The following NBEA variants were observed in gnomAD, a reference collection of about 807,000 sequenced individuals.
NBEA encodes lysosomal-trafficking regulator 2.
NBEA carries 44 observed loss-of-function variants against 343.4 expected under a neutral mutation model. The ratio of observed to expected loss-of-function variants is 0.13; its 90% CI spans 0.10 to 0.16. The LOEUF (loss-of-function observed/expected upper bound fraction) is 0.16, where lower values mean the gene tolerates loss of function less well. Ranked by LOEUF, NBEA falls within the 10% of genes least tolerant of loss-of-function variation. NBEA has a pLI of 1.00. For missense variants in NBEA, 2,555 were observed against 3,631.3 expected (o/e 0.70, Z 7.62); for synonymous variants, 1,175 against 1,238.7 (o/e 0.95, Z 1.08).
intron 48 of NBEA, among the ~76,000 whole-genome samples, chr13:35,617,635 G>T (rs2082794074): frequency 6.6e-6 from 1 of 152,164 alleles, no homozygotes; most frequent in African/African-American, 2.4e-5. Context: ...GTGAAATGTG[G>T]CTGCATGATT....
chr13:35,110,648 A>G (rs2066156915), intron 12 of NBEA, among the ~76,000 whole-genome samples, 162 bp from the exon 13 acceptor site: 1 of 152,042 alleles, frequency 6.6e-6, no homozygotes, highest in Admixed American at 6.6e-5. Flanking sequence ...ATATTTTTTA[A>G]ATATAAATAA....
intron 56 of NBEA, 70 bp downstream of exon 56, chr13:35,665,256 A>G: frequency 7.8e-7 from 1 of 1,276,774 alleles, no homozygotes; most frequent in Non-Finnish European, 1.1e-6. Context: ...CGTGATTGTC[A>G]GTTTATTTCT....
chr13:35,159,338 T>C lies in NBEA; in HGVS notation c.3167T>C (p.Leu1056Ser), dbSNP rs1751370470. ...GTACATGTGGAAGTACATGATCTTT[T>C]AGTAGATATAAAAGCAGAGAAAGTG... The part of the protein sequence containing the change: ...SGVHVEVHDL[L>S]VDIKAEKVEA... Residue 1056 changes from leucine (L) to serine (S), a missense_variant, in exon 22 of 59, where the codon TTA becomes TCA. This residue lies in a region of NBEA where 367 missense variants were observed against 377.5 expected (regional missense o/e 0.97). Transcript: ENST00000379939. 1 of 1,613,404 alleles carries C rather than the reference T, an allele frequency of 6.2e-7. No homozygotes were observed. Among genetic ancestry groups the C allele is most frequent in the Non-Finnish European group, 8.5e-7 (1 of 1,179,690 alleles).
intron 38 of NBEA, among the ~76,000 whole-genome samples, chr13:35,423,948 G>A (rs565469959): frequency 8.5e-5 from 13 of 152,124 alleles, no homozygotes; most frequent in Non-Finnish European, 1.6e-4. Context: ...TTGGCTCTCT[G>A]TTTGTCTGTT....
At chr13:35,414,279 G>A (rs1021520609) in intron 38 of NBEA, among the ~76,000 whole-genome samples, 17 of 151,958 alleles carry the variant, frequency 1.1e-4, no homozygotes, top group Admixed American at 4.6e-4. Context: ...TGTGCACAAC[G>A]TGCAGGTTTG....
intron 48 of NBEA, among the ~76,000 whole-genome samples, chr13:35,621,928 A>G (rs2153061274): frequency 6.6e-6 from 1 of 152,332 alleles, no homozygotes; most frequent in Non-Finnish European, 1.5e-5. Context: ...GCTAATTGGC[A>G]ATCATCCCAT....
chr13:35,521,663 G>C (rs1474638985), intron 41 of NBEA, among the ~76,000 whole-genome samples: 1 of 152,160 alleles, frequency 6.6e-6, no homozygotes, highest in Non-Finnish European at 1.5e-5. Context: ...ACATTACAGA[G>C]ACTGCAATTC....
At chr13:35,198,393 C>G (rs2072776981) in intron 31 of NBEA, among the ~76,000 whole-genome samples, 1 of 151,956 alleles carries the variant, frequency 6.6e-6, no homozygotes, top group Non-Finnish European at 1.5e-5. Context: ...TTGTGATTTA[C>G]ATATGAAAAT....
chr13:35,582,869 T>C (rs1330522066), intron 45 of NBEA, among the ~76,000 whole-genome samples: 2 of 152,110 alleles, frequency 1.3e-5, no homozygotes, highest in East Asian at 1.9e-4. Context: ...TTGTGTAACA[T>C]TATGTGTCCC....
intron 41 of NBEA, among the ~76,000 whole-genome samples, chr13:35,540,199 A>G (rs1269746328): frequency 3.9e-5 from 6 of 152,000 alleles, no homozygotes; most frequent in Non-Finnish European, 5.9e-5. Flanking sequence ...AGTTAAAACA[A>G]AAACCTCTAA....
Position 34,983,173 on chromosome 13 carries a change from A to G in NBEA, c.294+40059A>G, listed in dbSNP as rs528097570. ...TCTCCTAATGCTATACCTCCCCCTG[A>G]CCCCCACCCCACACCAGGCCCCAGG... On this transcript the variant is annotated intron_variant, in intron 1 of 58. Transcript: ENST00000379939. Among the ~76,000 whole-genome samples the G allele has an allele frequency of 1.7e-3, 261 of 151,674 alleles. 1 individual carries two copies. Among genetic ancestry groups the G allele is most frequent in the African/African-American group, 6.1e-3 (254 of 41,316 alleles).
intron 48 of NBEA, among the ~76,000 whole-genome samples, chr13:35,613,853 A>C (rs1019546826): frequency 6.6e-6 from 1 of 152,156 alleles, no homozygotes; most frequent in African/African-American, 2.4e-5. Context: ...CTCCCACCTC[A>C]GCCTCCCAAA....
chr13:35,600,708 A>G (rs1292609036), intron 47 of NBEA, among the ~76,000 whole-genome samples: 1 of 152,188 alleles, frequency 6.6e-6, no homozygotes, highest in Non-Finnish European at 1.5e-5. Flanking sequence ...TCAAAAGGTT[A>G]AGAAACCTGC....
intron 31 of NBEA, among the ~76,000 whole-genome samples, chr13:35,198,755 A>G (rs1257539253): frequency 6.6e-6 from 1 of 152,012 alleles, no homozygotes; most frequent in African/African-American, 2.4e-5. Flanking sequence ...GGTGATATTG[A>G]TGAAAGGAGG....
intron 49 of NBEA, among the ~76,000 whole-genome samples, chr13:35,631,657 AAAAAT>A (rs1260360879): frequency 7.3e-6 from 1 of 137,302 alleles, no homozygotes; most frequent in African/African-American, 2.6e-5. Flanking sequence ...AAAAAAAAAA[AAAAAT>A]TCTACTACTT....
chr13:35,522,475 CAAAAAAAAAA>C (rs138270833), intron 41 of NBEA, among the ~76,000 whole-genome samples: 11 of 42,076 alleles, frequency 2.6e-4, no homozygotes, highest in East Asian at 1.6e-3. Flanking sequence ...ATACCATCTC[CAAAAAAAAAA>C]AAAAAAAAAA....
intron 49 of NBEA, among the ~76,000 whole-genome samples, chr13:35,635,505 AAAGCC>A (rs1212352810): frequency 2.6e-5 from 4 of 152,246 alleles, no homozygotes; most frequent in Non-Finnish European, 5.9e-5. Context: ...AACAGATTCA[AAAGCC>A]AAATTAAAAT....
chr13:35,249,192 A>T (rs2031643198), intron 34 of NBEA, among the ~76,000 whole-genome samples: 1 of 151,504 alleles, frequency 6.6e-6, no homozygotes, highest in African/African-American at 2.4e-5. Flanking sequence ...CATTGATGAC[A>T]TTGGATTTGG....
At chr13:35,066,066 A>G (rs951958384) in intron 8 of NBEA, among the ~76,000 whole-genome samples, 3 of 152,020 alleles carry the variant, frequency 2.0e-5, no homozygotes, top group East Asian at 1.9e-4. Context: ...GGCTCAGGCT[A>G]TCCTCCTGCC....
Sources: gnomAD v4.1 joint callset for allele counts (sites outside exome capture counted in the v4.1 genomes callset) on GRCh38, gnomAD v4.1.1 for gene constraint, gnomAD v4.1.1 regional missense constraint, MANE v1.5 for transcripts, NCBI Gene and HGNC (gene_info 2026-07-23, HGNC 2026-07-21) for gene names.